Variants in TLN2 observed in about 807,000 individuals in gnomAD.
TLN2 encodes talin 2.
In TLN2, 118 loss-of-function variants were observed where a neutral mutation model predicts 294.7. That is an observed-to-expected ratio of 0.40 (90% CI 0.34 to 0.47). The LOEUF (loss-of-function observed/expected upper bound fraction) is 0.47, where lower values mean the gene tolerates loss of function less well. TLN2 is among the 20% of genes least tolerant of loss of function. TLN2 has a pLI of 0.84. For missense variants in TLN2, 3,083 were observed against 3,282.2 expected (o/e 0.94, Z 1.48); for synonymous variants, 1,431 against 1,304.5 (o/e 1.10, Z -2.09).
Position 62,716,362 on chromosome 15 carries a change from A to G in TLN2, c.2666A>G (p.Gln889Arg), listed in dbSNP as rs780227075. Reference protein sequence around the residue: ...GAAANPENEDQQQRLREAAEG... With the variant: ...GAAANPENEDRQQRLREAAEG... ...GCAGCCAACCCAGAGAATGAGGACC[A>G]GCAGCAAAGGCTGAGAGAAGCTGCA... is the stretch of plus-strand genomic sequence containing the variant. The change falls in exon 23 of 59, where the codon CAG (glutamine) becomes CGG (arginine). Residue 889 changes from glutamine (Q) to arginine (R), a missense_variant. Gln to Arg is a conservative substitution (Grantham distance 43). Coordinates refer to ENST00000636159, the MANE Select transcript of TLN2 (RefSeq NM_015059.3). The G allele has an allele frequency of 4.3e-6, 7 of 1,609,880 alleles. No individual in the cohort carries two copies. The South Asian group carries it at 5.5e-5, about 13-fold the overall frequency.
chr15:62,609,608 A>G (rs1361552219), intron 2 of TLN2, among the ~76,000 whole-genome samples: 1 of 152,134 alleles, frequency 6.6e-6, no homozygotes, highest in Non-Finnish European at 1.5e-5. Context: ...AATTCAGCTG[A>G]TGCGTCGTTG....
At chr15:62,631,517 T>TCTTCCTTTCCTTTCC (rs2049837724) in intron 3 of TLN2, among the ~76,000 whole-genome samples, 1 of 100,486 alleles carries the variant, frequency 1.0e-5, no homozygotes, top group Non-Finnish European at 2.2e-5. Context: ...TTTCTTTCTT[T>TCTTCCTTTCCTTTCC]CTTCCTTTCC....
intron 45 of TLN2, among the ~76,000 whole-genome samples, chr15:62,786,229 C>T (rs2064643940): frequency 6.6e-6 from 1 of 152,162 alleles, no homozygotes; most frequent in African/African-American, 2.4e-5. Flanking sequence ...AGAGGGCCCC[C>T]TATCACAACA....
intron 1 of TLN2, among the ~76,000 whole-genome samples, chr15:62,515,499 T>C (rs1355568155): frequency 1.3e-5 from 2 of 152,232 alleles, no homozygotes; most frequent in Admixed American, 6.5e-5. Context: ...GAAATATAAC[T>C]ATAACAGATC....
intron 1 of TLN2, among the ~76,000 whole-genome samples, chr15:62,419,570 G>A (rs1742486917): frequency 6.7e-6 from 1 of 149,536 alleles, no homozygotes; most frequent in South Asian, 2.1e-4. Flanking sequence ...TTCTAGAAAG[G>A]TTGCACTGAA....
chr15:62,740,948 A>G (rs544126485), intron 32 of TLN2, among the ~76,000 whole-genome samples, 179 bp downstream of exon 32: 13 of 152,308 alleles, frequency 8.5e-5, no homozygotes, highest in Non-Finnish European at 1.5e-4. Flanking sequence ...GCTCATTTCC[A>G]TGTTCTTTCC....
At chr15:62,619,460 T>C (rs2048585682) in intron 3 of TLN2, among the ~76,000 whole-genome samples, 1 of 152,260 alleles carries the variant, frequency 6.6e-6, no homozygotes, top group Non-Finnish European at 1.5e-5. Flanking sequence ...ATTCTTGTCA[T>C]AAGAGTTGCA....
At chr15:62,821,925 A>G (rs2067600547) in intron 54 of TLN2, among the ~76,000 whole-genome samples, 1 of 152,224 alleles carries the variant, frequency 6.6e-6, no homozygotes, top group Admixed American at 6.5e-5. Context: ...GGTTTGGTGC[A>G]TGATGTTTTT....
chr15:62,656,116 T>C (rs199689643), intron 8 of TLN2, 30 bp downstream of exon 8: 35 of 1,605,600 alleles, frequency 2.2e-5, no homozygotes, highest in Middle Eastern at 1.7e-4. Context: ...GACACTGAGG[T>C]TGGTGAGATT....
chr15:62,487,296 C>T (rs956901038), intron 1 of TLN2, among the ~76,000 whole-genome samples: 1 of 152,076 alleles, frequency 6.6e-6, no homozygotes, highest in Admixed American at 6.5e-5. Context: ...GCTCATTCAC[C>T]GATTATGAGA....
chr15:62,541,739 A>C (rs2041701349), intron 1 of TLN2, among the ~76,000 whole-genome samples: 1 of 152,052 alleles, frequency 6.6e-6, no homozygotes, highest in African/African-American at 2.4e-5. Context: ...TCATTGCATT[A>C]TATTTTTATA....
intron 9 of TLN2, among the ~76,000 whole-genome samples, chr15:62,666,955 A>G (rs1243370532): frequency 1.3e-5 from 2 of 152,060 alleles, no homozygotes; most frequent in East Asian, 1.9e-4. Context: ...AAGCCTGAAC[A>G]CTGGCATTTC....
At chr15:62,801,145 T>G (rs919922590) in intron 50 of TLN2, among the ~76,000 whole-genome samples, 7 of 152,246 alleles carry the variant, frequency 4.6e-5, no homozygotes, top group African/African-American at 1.7e-4. Context: ...TGATGCACAT[T>G]GCTCTTGGTA....
At chr15:62,683,508 ATTGGTAGAATG>A (rs2057027452) in intron 11 of TLN2, among the ~76,000 whole-genome samples, 3 of 136,862 alleles carry the variant, frequency 2.2e-5, no homozygotes, top group Admixed American at 2.2e-4. Context: ...CCCGCCTCTC[ATTGGTAGAATG>A]CCTGCATTCT....
chr15:62,612,032 C>T (rs1203266928), intron 2 of TLN2, among the ~76,000 whole-genome samples: 1 of 152,142 alleles, frequency 6.6e-6, no homozygotes, highest in East Asian at 1.9e-4. Flanking sequence ...AACTTGATGA[C>T]TTCAAATTGG....
chr15:62,580,888 T>C (rs1485013665), intron 1 of TLN2, among the ~76,000 whole-genome samples: 1 of 151,214 alleles, frequency 6.6e-6, no homozygotes, highest in Non-Finnish European at 1.5e-5. Context: ...TTTTTTTTTT[T>C]TTTTTTCTTT....
At chr15:62,660,519 T>C (rs2053698261) in intron 9 of TLN2, among the ~76,000 whole-genome samples, 1 of 152,204 alleles carries the variant, frequency 6.6e-6, no homozygotes, top group Non-Finnish European at 1.5e-5. Flanking sequence ...ATGACAGTTT[T>C]CCTCAGGTCA....
At chr15:62,692,217 GGGTGACCTTC>G (rs754265161) in intron 12 of TLN2, among the ~76,000 whole-genome samples, 65 of 152,174 alleles carry the variant, frequency 4.3e-4, no homozygotes, top group Non-Finnish European at 8.2e-4. Context: ...TGCTATTGCT[GGGTGACCTTC>G]GTTGCAGGAA....
At chr15:62,525,590 A>C (rs889815770) in intron 1 of TLN2, among the ~76,000 whole-genome samples, 1 of 152,218 alleles carries the variant, frequency 6.6e-6, no homozygotes, top group African/African-American at 2.4e-5. Context: ...GGGTATCAGA[A>C]ATTGGTGAAA....
Sources: allele counts gnomAD v4.1 joint callset (sites outside exome capture counted in the v4.1 genomes callset), GRCh38; gene constraint gnomAD v4.1.1; transcripts MANE v1.5; gene names NCBI Gene and HGNC (gene_info 2026-07-23, HGNC 2026-07-21).